The following SLK variants were observed in gnomAD, a reference collection of about 807,000 sequenced individuals.
SLK encodes the protein STE20 like kinase.
SLK carries 67 observed loss-of-function variants against 147.7 expected under a neutral mutation model. The observed-to-expected ratio is 0.45, with a 90% CI of 0.37 to 0.56. The LOEUF (loss-of-function observed/expected upper bound fraction) is 0.56. SLK is among the 20% of genes least tolerant of loss of function. SLK has a pLI of 0.00. For missense variants in SLK, 1,136 were observed against 1,438.8 expected (o/e 0.79, Z 3.41); for synonymous variants, 441 against 475.0 (o/e 0.93, Z 0.93).
intron 13 of SLK, among the ~76,000 whole-genome samples, chr10:104,013,129 G>A (rs973209536): frequency 2.0e-5 from 3 of 152,186 alleles, no homozygotes; most frequent in Non-Finnish European, 4.4e-5. Context: ...TGCTTTAAGC[G>A]AAGGTACAAA....
Position 103,999,109 on chromosome 10 carries a change from G to T in SLK, c.588-10G>T. On this transcript the variant is annotated splice_polypyrimidine_tract_variant and intron_variant, in intron 5 of 18. Transcript: ENST00000369755. ...TAAACATGTTAACTTTTAATTATCTGTCTTCATAGGATGGCTCCTGAAGTA... is the reference window on the plus strand; with the variant it reads ...TAAACATGTTAACTTTTAATTATCTTTCTTCATAGGATGGCTCCTGAAGTA... 6.3e-7 allele frequency: 1 copy of T among 1,598,506 alleles called. No individual in the cohort carries two copies. Among genetic ancestry groups the T allele is most frequent in the Non-Finnish European group, 8.5e-7 (1 of 1,171,892 alleles).
At position 103,998,928 on chromosome 10, in the gene SLK, A is replaced by G; in HGVS notation, c.544A>G (p.Arg182Gly). 6.2e-7 allele frequency: 1 copy of G among 1,612,172 alleles called. No homozygotes were observed. The highest frequency in any genetic ancestry group is 8.5e-7 in the Non-Finnish European group (1 of 1,178,420). ...ADFGVSAKNT[R>G]TIQRRDSFIG... is the part of the protein sequence containing the mutation. ...TTTTGGAGTATCAGCTAAAAACACG[A>G]GGACAATTCAAAGAAGAGATTCCTT... Residue 182 changes from arginine to glycine, a missense_variant, in exon 5 of 19, where the codon AGG (arginine) becomes GGG (glycine). Physicochemically the swap from Arg to Gly is moderately radical, Grantham distance 125 (BLOSUM62 -2). Coordinates refer to ENST00000369755, the MANE Select transcript of SLK (RefSeq NM_014720.4).
intron 1 of SLK, among the ~76,000 whole-genome samples, chr10:103,981,136 A>G (rs1163739732): frequency 6.6e-6 from 1 of 151,978 alleles, no homozygotes; most frequent in Non-Finnish European, 1.5e-5. Context: ...CCTGGGAGAA[A>G]TACCTGTTCG....
rs559919992 is a variant in SLK, at chr10:103,992,927, G to T, written c.365-57G>T. On this transcript the variant is annotated intron_variant, in intron 3 of 18. Coordinates refer to ENST00000369755, the MANE Select transcript of SLK (RefSeq NM_014720.4). ...ATATATACAGAAAGGTATATAGCCT[G>T]CTAATATGTTTTCACTGTATAAAAA... 2.1e-5 allele frequency: 27 copies of T among 1,293,052 alleles called. No homozygotes were observed. In the East Asian group the frequency reaches 6.1e-4, roughly 29 times the overall value. 80.1% of individuals were successfully genotyped at this position (1,293,052 alleles called of 1,614,324 possible).
At chr10:103,992,565 GAC>G (rs771286500) in intron 2 of SLK, 31 bp from the exon 3 acceptor site, 6 of 1,276,684 alleles carry the variant, frequency 4.7e-6, no homozygotes, top group Middle Eastern at 2.3e-4. Flanking sequence ...TGTAGTTTTA[GAC>G]ACACGCTTTT....
intron 17 of SLK, among the ~76,000 whole-genome samples, 195 bp from the exon 18 acceptor site, chr10:104,021,425 C>T (rs1028003454): frequency 2.0e-5 from 3 of 152,196 alleles, no homozygotes; most frequent in Non-Finnish European, 2.9e-5. Flanking sequence ...TGTAATAGTT[C>T]TAGCTTCTAA....
chr10:103,969,672 A>G lies in SLK; in HGVS notation c.150+1777A>G, dbSNP rs146408129. ...GTATGGGCTTCAGCAAGAGCTTCAT[A>G]AGATGCAAGGCTTCATTGTAGTGGG... is the stretch of plus-strand genomic sequence containing the variant. On this transcript the variant is annotated intron_variant, in intron 1 of 18. Coordinates refer to ENST00000369755, the MANE Select transcript of SLK (RefSeq NM_014720.4). Among the ~76,000 whole-genome samples the G allele has an allele frequency of 1.7e-3, 260 of 152,332 alleles. 5 individuals are homozygous for G. The highest frequency in any genetic ancestry group is 2.9e-4 in the Non-Finnish European group (20 of 68,032).
intron 4 of SLK, among the ~76,000 whole-genome samples, chr10:103,995,414 CTTTCTTTTCTTTTTTTTTT>C (rs1844155194): frequency 8.0e-6 from 1 of 125,382 alleles, no homozygotes; most frequent in Non-Finnish European, 1.7e-5. Flanking sequence ...TTTTTCTTTT[CTTTCTTTTCTTTTTTTTTT>C]TTTTTTTTTT....
intron 4 of SLK, among the ~76,000 whole-genome samples, chr10:103,996,056 A>T (rs1464886244): frequency 6.6e-6 from 1 of 152,086 alleles, no homozygotes; most frequent in African/African-American, 2.4e-5. Flanking sequence ...ACCACTCCTT[A>T]TGTTGATGTG....
intron 13 of SLK, among the ~76,000 whole-genome samples, chr10:104,013,558 ATTAT>A (rs985632424): frequency 3.3e-5 from 5 of 152,224 alleles, no homozygotes; most frequent in African/African-American, 4.8e-5. Flanking sequence ...CATTTGTATA[ATTAT>A]TCTTTTCGTT....
Position 104,002,224 on chromosome 10 carries a change from A to G in SLK, c.1046A>G (p.Glu349Gly). Residue 349 changes from glutamate to glycine, a missense_variant, in exon 9 of 19, where the codon GAA becomes GGA. Glu to Gly is a moderately conservative substitution (Grantham distance 98). Transcript: ENST00000369755. ...ASSDLSIASSEEDKLSQNACI... is the reference protein window; with the variant it reads ...ASSDLSIASSGEDKLSQNACI... ...TCTGACCTTAGTATCGCCAGCTCTG[A>G]AGAAGATAAACTTTCACAAAATGCT... is the stretch of plus-strand genomic sequence containing the variant. 1.2e-6 allele frequency: 2 copies of G among 1,609,368 alleles called. No individual in the cohort carries two copies. Among genetic ancestry groups the G allele is most frequent in the East Asian group, 2.2e-5 (1 of 44,774 alleles).
chr10:103,982,738 A>C (rs1473839633), intron 1 of SLK, among the ~76,000 whole-genome samples: 1 of 152,220 alleles, frequency 6.6e-6, no homozygotes, highest in Non-Finnish European at 1.5e-5. Flanking sequence ...GCTGCAAAAA[A>C]ATTTGACTCC....
At chr10:104,019,698 T>C in intron 15 of SLK, 36 bp from the exon 16 acceptor site, 1 of 1,513,698 alleles carries the variant, frequency 6.6e-7, no homozygotes, top group African/African-American at 1.4e-5. Context: ...TGACTATTGT[T>C]TCTGCGTCAC....
At chr10:104,000,371 TAAA>T (rs1844229741) in intron 7 of SLK, among the ~76,000 whole-genome samples, 1 of 152,026 alleles carries the variant, frequency 6.6e-6, no homozygotes, top group Admixed American at 6.5e-5. Flanking sequence ...ATATATTAAT[TAAA>T]AATTGTCAAT....
chr10:104,016,357 A>G (rs1398048618), intron 13 of SLK, among the ~76,000 whole-genome samples: 1 of 152,060 alleles, frequency 6.6e-6, no homozygotes, highest in Non-Finnish European at 1.5e-5. Context: ...GAAATTAGAG[A>G]AACAGTTTAA....
chr10:104,026,044 CTG>C lies in SLK; in HGVS notation c.*326_*327del, dbSNP rs543872230. ...AATGTTTAAAGTTATTTAAGAAAAACTGTTACATCACTAAGTATTAATAAATT... is the reference window on the plus strand; with the variant it reads ...AATGTTTAAAGTTATTTAAGAAAAACTTACATCACTAAGTATTAATAAATT... On this transcript the variant is annotated 3_prime_UTR_variant, in exon 19 of 19. Coordinates refer to ENST00000369755, the MANE Select transcript of SLK (RefSeq NM_014720.4). The C allele has an allele frequency of 1.6e-3, 311 of 195,496 alleles. No individual in the cohort carries two copies. Among genetic ancestry groups the C allele is most frequent in the South Asian group, 4.4e-3 (25 of 5,704 alleles). The allele number at this position is 195,496 out of a possible 1,614,324, so 12.1% of individuals were successfully genotyped here. A position where few individuals can be genotyped will look rare whatever the true frequency, so the allele number is the denominator to read the frequency against.
At chr10:104,021,494 G>A (rs981193749) in intron 17 of SLK, 126 bp from the exon 18 acceptor site, 10 of 576,644 alleles carry the variant, frequency 1.7e-5, no homozygotes, top group Non-Finnish European at 2.8e-5. Context: ...TTTTTATAGA[G>A]GAAAACTTGA....
intron 14 of SLK, 57 bp from the exon 15 acceptor site, chr10:104,018,727 C>T: frequency 1.3e-6 from 2 of 1,545,614 alleles, no homozygotes; most frequent in Non-Finnish European, 1.8e-6. Flanking sequence ...AAATGAAGAG[C>T]AAAGTACATT....
At chr10:104,023,939 A>G (rs1240535068) in intron 18 of SLK, among the ~76,000 whole-genome samples, 1 of 152,132 alleles carries the variant, frequency 6.6e-6, no homozygotes, top group African/African-American at 2.4e-5. Context: ...GAGAAAACCA[A>G]ACTCAGCATC....
Sources: gnomAD v4.1 joint callset for allele counts (sites outside exome capture counted in the v4.1 genomes callset) on GRCh38, gnomAD v4.1.1 for gene constraint, MANE v1.5 for transcripts, NCBI Gene and HGNC (gene_info 2026-07-23, HGNC 2026-07-21) for gene names.